NDST4: variants seen among roughly 807,000 people sequenced by gnomAD.
NDST4 encodes the protein N-deacetylase and N-sulfotransferase 4, also known as N-heparan sulfate sulfotransferase 4.
A neutral mutation model predicts 100.8 loss-of-function variants in NDST4; 63 were observed. The ratio of observed to expected loss-of-function variants is 0.62; its 90% CI spans 0.51 to 0.77. The LOEUF (loss-of-function observed/expected upper bound fraction) is 0.77. NDST4 is among the 30% of genes least tolerant of loss of function. NDST4 has a pLI of 0.00. For synonymous variants in NDST4, 377 were observed against 361.8 expected (o/e 1.04, Z -0.48); for missense variants, 943 against 1,018.4 (o/e 0.93, Z 1.01).
rs898384958 is a variant in NDST4, at chr4:115,052,496, T to C, written c.978+23563A>G. On this transcript the variant is annotated intron_variant, in intron 2 of 13. Coordinates refer to ENST00000264363, the MANE Select transcript of NDST4 (RefSeq NM_022569.3). ...TGGGAGGGACCTGGTGTGAGGTAAC[T>C]GAATCATGGGGGCGAGTCTTCCCCA... Among the ~76,000 whole-genome samples, 4 of 152,080 alleles carry C rather than the reference T, an allele frequency of 2.6e-5. No individual in the cohort carries two copies. In the South Asian group the frequency reaches 6.2e-4, roughly 24 times the overall value.
chr4:114,975,882 T>TAC (rs1248159275), intron 3 of NDST4, among the ~76,000 whole-genome samples: 1 of 152,136 alleles, frequency 6.6e-6, no homozygotes, highest in African/African-American at 2.4e-5. Context: ...TGAAAAGATT[T>TAC]ACAAAACCAT....
At chr4:114,888,029 C>T (rs1425488110) in intron 6 of NDST4, among the ~76,000 whole-genome samples, 1 of 151,846 alleles carries the variant, frequency 6.6e-6, no homozygotes, top group East Asian at 1.9e-4. Flanking sequence ...TTGGCGAAAC[C>T]CTGACTCTAC....
chr4:114,924,015 C>T (rs529684438), intron 6 of NDST4, among the ~76,000 whole-genome samples: 7 of 151,812 alleles, frequency 4.6e-5, no homozygotes, highest in East Asian at 1.9e-4. Context: ...CCATCAGAAC[C>T]GGTAGCAAAT....
chr4:114,834,510 T>C (rs1320458339), intron 11 of NDST4, among the ~76,000 whole-genome samples: 1 of 93,676 alleles, frequency 1.1e-5, no homozygotes, highest in African/African-American at 6.0e-5. Flanking sequence ...CGAGACTCCA[T>C]CTCAAAAAAA....
intron 1 of NDST4, among the ~76,000 whole-genome samples, chr4:115,111,153 G>C (rs1729944202): frequency 1.3e-5 from 2 of 151,908 alleles, no homozygotes; most frequent in Admixed American, 1.3e-4. Context: ...CAAACAGAAA[G>C]TACAAGGGGA....
intron 4 of NDST4, among the ~76,000 whole-genome samples, chr4:114,944,902 C>G (rs1725826734): frequency 6.6e-6 from 1 of 152,092 alleles, no homozygotes; most frequent in South Asian, 2.1e-4. Flanking sequence ...ACGCGCCACA[C>G]CACAGAGAGC....
intron 2 of NDST4, among the ~76,000 whole-genome samples, chr4:115,021,250 ATATTCCACATATATATATTCCACATGTG>A (rs1348429516): frequency 1.4e-5 from 2 of 139,266 alleles, no homozygotes; most frequent in Non-Finnish European, 2.9e-5. Context: ...CCACATATAT[ATATTCCACATATATATATTCCACATGTG>A]TATTCCACAT....
chr4:114,899,078 T>TG (rs1409204923), intron 6 of NDST4, among the ~76,000 whole-genome samples: 10 of 152,156 alleles, frequency 6.6e-5, no homozygotes, highest in African/African-American at 2.4e-4. Context: ...TGTGGTGAGA[T>TG]GGGACATCCT....
At chr4:115,072,448 C>G (rs137860878) in intron 2 of NDST4, among the ~76,000 whole-genome samples, 2 of 151,922 alleles carry the variant, frequency 1.3e-5, no homozygotes, top group Non-Finnish European at 2.9e-5. Context: ...TATTACAAAG[C>G]TATAGTAATC....
At chr4:115,038,804 T>C (rs1297939938) in intron 2 of NDST4, among the ~76,000 whole-genome samples, 2 of 152,028 alleles carry the variant, frequency 1.3e-5, no homozygotes, top group Non-Finnish European at 2.9e-5. Context: ...AGTAAAACCC[T>C]GTGTCCACAA....
intron 7 of NDST4, among the ~76,000 whole-genome samples, chr4:114,857,113 T>C (rs1375527695): frequency 6.6e-6 from 1 of 152,184 alleles, no homozygotes; most frequent in Non-Finnish European, 1.5e-5. Context: ...GCATCAATGA[T>C]ATAAATGGAT....
At chr4:114,882,050 A>G (rs1362959683) in intron 6 of NDST4, among the ~76,000 whole-genome samples, 1 of 152,040 alleles carries the variant, frequency 6.6e-6, no homozygotes, top group Non-Finnish European at 1.5e-5. Context: ...AGGGATATGC[A>G]GTGTGTTGTT....
chr4:114,947,570 C>T (rs1392374178), intron 4 of NDST4, among the ~76,000 whole-genome samples: 4 of 152,040 alleles, frequency 2.6e-5, no homozygotes, highest in African/African-American at 9.7e-5. Flanking sequence ...TAAATGATAA[C>T]ATTCAAAATT....
At chr4:114,829,694 G>T in intron 13 of NDST4, 96 bp downstream of exon 13, 1 of 739,872 alleles carries the variant, frequency 1.4e-6, no homozygotes, top group Non-Finnish European at 2.2e-6. Flanking sequence ...TGCAAAGGAA[G>T]AGCAGAAAAA....
chr4:114,843,213 C>T (rs1007996261), intron 10 of NDST4, among the ~76,000 whole-genome samples: 2 of 152,320 alleles, frequency 1.3e-5, no homozygotes, highest in African/African-American at 4.8e-5. Context: ...TTTTGAAACA[C>T]TTACAGGAAC....
chr4:115,079,363 GA>G (rs199667475), intron 1 of NDST4, among the ~76,000 whole-genome samples: 2,888 of 77,736 alleles, frequency 0.037, 54 homozygotes, highest in Middle Eastern at 0.096. Context: ...CTCTGTCTCA[GA>G]AAAAAAAAAA....
At chr4:114,993,662 C>T (rs1727098706) in intron 2 of NDST4, among the ~76,000 whole-genome samples, 1 of 151,896 alleles carries the variant, frequency 6.6e-6, no homozygotes, top group South Asian at 2.1e-4. Context: ...GGCAACTGCT[C>T]ATCTAGGTGT....
intron 3 of NDST4, among the ~76,000 whole-genome samples, chr4:114,971,365 T>TA (rs1459574153): frequency 6.6e-6 from 1 of 150,862 alleles, no homozygotes; most frequent in Non-Finnish European, 1.5e-5. Flanking sequence ...ACATAGGAAA[T>TA]AAAAACAAAA....
chr4:114,886,937 G>A (rs1560795718), intron 6 of NDST4, among the ~76,000 whole-genome samples: 4 of 152,082 alleles, frequency 2.6e-5, no homozygotes, highest in African/African-American at 9.7e-5. Context: ...AGAGAAAAGT[G>A]AAAAAGATAA....
Sources: allele counts gnomAD v4.1 joint callset (sites outside exome capture counted in the v4.1 genomes callset), GRCh38; gene constraint gnomAD v4.1.1; transcripts MANE v1.5; gene names NCBI Gene and HGNC (gene_info 2026-07-23, HGNC 2026-07-21).